The following GANC variants were observed in gnomAD, a reference collection of about 807,000 sequenced individuals.
GANC encodes the protein neutral alpha-glucosidase C.
A neutral mutation model predicts 124.2 loss-of-function variants in GANC; 117 were observed. The ratio of observed to expected loss-of-function variants is 0.94; its 90% CI spans 0.81 to 1.10. The LOEUF (loss-of-function observed/expected upper bound fraction) is 1.10. GANC is among the 50% of genes least tolerant of loss of function. GANC has a pLI of 0.00. For missense variants in GANC, 1,140 were observed against 1,095.0 expected (o/e 1.04, Z -0.58); for synonymous variants, 377 against 376.8 (o/e 1.00, Z -0.01).
intron 3 of GANC, chr15:42,284,181 T>G: frequency 1.7e-6 from 1 of 599,986 alleles, no homozygotes; most frequent in South Asian, 2.0e-5. Context: ...ATAATTTTCC[T>G]ACTTAACACC....
chr15:42,282,148 C>T (rs1036622264), intron 3 of GANC, among the ~76,000 whole-genome samples: 13 of 152,178 alleles, frequency 8.5e-5, no homozygotes, highest in African/African-American at 2.6e-4. Flanking sequence ...TGGTAAAACC[C>T]GTCTCTACTA....
At chr15:42,300,548 C>G (rs2051935605) in intron 6 of GANC, among the ~76,000 whole-genome samples, 1 of 152,126 alleles carries the variant, frequency 6.6e-6, no homozygotes, top group Admixed American at 6.5e-5. Flanking sequence ...AGTGAGTCCT[C>G]AAGGGTCTAG....
chr15:42,353,108 A>G lies in GANC; in HGVS notation c.*969A>G. ...AGTTTTCCTTTTGTCCCAGGCTCTA[A>G]TATGGCTTGGCATGGGGCAGAACAT... is the stretch of plus-strand genomic sequence containing the variant. On this transcript the variant is annotated 3_prime_UTR_variant, in exon 24 of 24. Transcript: ENST00000318010. The G allele has an allele frequency of 1.0e-6, 1 of 985,778 alleles. No homozygotes were observed. The highest frequency in any genetic ancestry group is 1.2e-6 in the Non-Finnish European group (1 of 829,852). 61.1% of individuals were successfully genotyped at this position (985,778 alleles called of 1,614,324 possible). A position where few individuals can be genotyped will look rare whatever the true frequency, so the allele number is the denominator to read the frequency against.
At chr15:42,296,346 T>G (rs147917501) in intron 5 of GANC, among the ~76,000 whole-genome samples, 1 of 152,162 alleles carries the variant, frequency 6.6e-6, no homozygotes, top group African/African-American at 2.4e-5. Flanking sequence ...CTAAATTTTG[T>G]GTTAATCACT....
intron 3 of GANC, among the ~76,000 whole-genome samples, chr15:42,285,937 C>G (rs1016615633): frequency 2.0e-5 from 3 of 152,020 alleles, no homozygotes; most frequent in Admixed American, 6.5e-5. Flanking sequence ...AGGGTTATTG[C>G]TCTCTTTTCC....
intron 3 of GANC, among the ~76,000 whole-genome samples, chr15:42,287,196 A>T (rs1043863504): frequency 1.3e-5 from 2 of 152,126 alleles, no homozygotes; most frequent in Non-Finnish European, 2.9e-5. Flanking sequence ...CCTTTCATCC[A>T]CCACTAGAGA....
At chr15:42,349,257 C>T (rs917881241) in intron 21 of GANC, 126 bp from the exon 22 acceptor site, 11 of 645,616 alleles carry the variant, frequency 1.7e-5, no homozygotes, top group African/African-American at 5.5e-5. Flanking sequence ...GGTATTTGTA[C>T]GACTACTTTA....
Position 42,287,088 on chromosome 15 carries a change from A to G in GANC, c.202-603A>G, listed in dbSNP as rs537575490. ...GTTTCCGTGTCCCACGGTAGGCAGAATTTTACTTAGGTTCCCCAGCCTCTT... is the reference window on the plus strand; with the variant it reads ...GTTTCCGTGTCCCACGGTAGGCAGAGTTTTACTTAGGTTCCCCAGCCTCTT... On this transcript the variant is annotated intron_variant, in intron 3 of 23. Transcript: ENST00000318010. Among the ~76,000 whole-genome samples, 3 of 152,312 alleles carry G rather than the reference A, an allele frequency of 2.0e-5. No homozygotes were observed. The South Asian group carries it at 6.2e-4, about 32-fold the overall frequency.
At chr15:42,287,951 G>T in intron 4 of GANC, 133 bp downstream of exon 4, 1 of 857,468 alleles carries the variant, frequency 1.2e-6, no homozygotes, top group Non-Finnish European at 1.7e-6. Flanking sequence ...TGGTGTAAAA[G>T]TAATTGTGGT....
chr15:42,348,264 G>A (rs2052384895), intron 21 of GANC, 48 bp downstream of exon 21: 2 of 1,187,680 alleles, frequency 1.7e-6, no homozygotes, highest in Non-Finnish European at 2.5e-6. Context: ...TTTCTTTACA[G>A]TGATAGCCTT....
intron 10 of GANC, 133 bp from the exon 11 acceptor site, chr15:42,321,652 T>A (rs1446804611): frequency 1.3e-6 from 1 of 760,378 alleles, no homozygotes; most frequent in Non-Finnish European, 2.2e-6. Flanking sequence ...AGGCAAGGAC[T>A]GTGCTTTCTT....
chr15:42,322,551 C>T (rs2052168882), intron 11 of GANC, among the ~76,000 whole-genome samples: 1 of 152,082 alleles, frequency 6.6e-6, no homozygotes. Context: ...CCCCTGCTGG[C>T]ACCAAAGGAG....
chr15:42,349,275 T>G (rs2052398174), intron 21 of GANC, 108 bp from the exon 22 acceptor site: 3 of 721,024 alleles, frequency 4.2e-6, no homozygotes. Context: ...TTATATAGCT[T>G]GAATTTTTCA....
intron 10 of GANC, among the ~76,000 whole-genome samples, chr15:42,315,259 AAAT>A: frequency 9.4e-5 from 2 of 21,188 alleles, no homozygotes; most frequent in Non-Finnish European, 1.7e-3. Flanking sequence ...TAGAAATGGA[AAAT>A]AAATAAATAA....
chr15:42,329,249 A>G, intron 13 of GANC, 57 bp from the exon 14 acceptor site: 2 of 1,519,436 alleles, frequency 1.3e-6, no homozygotes, highest in Non-Finnish European at 1.8e-6. Context: ...CAATGGTGAC[A>G]GCTATTATAT....
At chr15:42,307,524 T>G (rs1473111890) in intron 7 of GANC, among the ~76,000 whole-genome samples, 1 of 152,126 alleles carries the variant, frequency 6.6e-6, no homozygotes, top group Non-Finnish European at 1.5e-5. Context: ...TCACCTTCTC[T>G]GTAGCATCCC....
intron 3 of GANC, chr15:42,281,261 C>CA (rs1775303871): frequency 1.4e-5 from 9 of 624,210 alleles, no homozygotes; most frequent in Non-Finnish European, 2.3e-5. Flanking sequence ...TCCTCCTTGT[C>CA]ATGTGGTGTT....
intron 13 of GANC, among the ~76,000 whole-genome samples, chr15:42,328,506 CAA>C (rs530447078): frequency 9.6e-5 from 10 of 104,014 alleles, no homozygotes; most frequent in South Asian, 2.7e-4. Context: ...AATAAAGATT[CAA>C]AAAAAAAAAA....
At chr15:42,337,330 G>A (rs2052290454) in intron 15 of GANC, among the ~76,000 whole-genome samples, 2 of 152,152 alleles carry the variant, frequency 1.3e-5, no homozygotes, top group African/African-American at 4.8e-5. Context: ...TATCTTGCCT[G>A]TGATCTGGTC....
Sources: allele counts gnomAD v4.1 joint callset (sites outside exome capture counted in the v4.1 genomes callset), GRCh38; gene constraint gnomAD v4.1.1; transcripts MANE v1.5; gene names NCBI Gene and HGNC (gene_info 2026-07-23, HGNC 2026-07-21).